The following NEBL variants were observed in gnomAD, a reference collection of about 807,000 sequenced individuals.
The protein encoded by NEBL is nebulette.
Under a neutral mutation model 140.2 loss-of-function variants are expected in NEBL, and 122 were observed. The ratio of observed to expected loss-of-function variants is 0.87; its 90% CI spans 0.75 to 1.01. The LOEUF is 1.01. Among genes scored for constraint, NEBL ranks in the 50% least tolerant of loss-of-function variants. NEBL has a pLI of 0.00. For missense variants in NEBL, 1,365 were observed against 1,231.3 expected (o/e 1.11, Z -1.62); for synonymous variants, 436 against 398.9 (o/e 1.09, Z -1.11).
chr10:20,916,034 G>A (rs531404752), intron 4 of NEBL, among the ~76,000 whole-genome samples: 76 of 152,292 alleles, frequency 5.0e-4, no homozygotes, highest in African/African-American at 1.6e-3. Flanking sequence ...ACGATAAACC[G>A]TTATTAACTA....
chr10:20,786,044 C>G, intron 27 of NEBL, 121 bp from the exon 28 acceptor site: 1 of 927,986 alleles, frequency 1.1e-6, no homozygotes. Flanking sequence ...ACACATGTAT[C>G]TCTGGAAATC....
chr10:21,289,195 T>C (rs1843109070), intron 1 of NEBL, among the ~76,000 whole-genome samples: 1 of 151,868 alleles, frequency 6.6e-6, no homozygotes, highest in African/African-American at 2.4e-5. Flanking sequence ...AGCCCGGTTG[T>C]TCCCAAACTG....
intron 3 of NEBL, among the ~76,000 whole-genome samples, chr10:20,889,537 C>A (rs1846834957): frequency 6.6e-6 from 1 of 152,028 alleles, no homozygotes; most frequent in African/African-American, 2.4e-5. Flanking sequence ...CTAAAGTGAA[C>A]TATTGTGCCA....
At chr10:20,969,007 TGGTGCTAAGCA>T (rs375039212) in intron 3 of NEBL, among the ~76,000 whole-genome samples, 69 of 152,328 alleles carry the variant, frequency 4.5e-4, no homozygotes, top group African/African-American at 1.3e-3. Context: ...GCACTTTGTT[TGGTGCTAAGCA>T]GGTGCTAAGC....
At chr10:21,284,558 A>G (rs779851132) in intron 1 of NEBL, among the ~76,000 whole-genome samples, 2 of 152,176 alleles carry the variant, frequency 1.3e-5, no homozygotes, top group Admixed American at 6.5e-5. Context: ...TTGACCTGGT[A>G]TTTTAGAACT....
intron 3 of NEBL, among the ~76,000 whole-genome samples, chr10:20,980,035 A>C (rs1051897968): frequency 2.0e-5 from 3 of 149,206 alleles, no homozygotes; most frequent in African/African-American, 5.1e-5. Flanking sequence ...TATTCTTTTA[A>C]AGTGTCTCAT....
At chr10:20,883,304 T>A (rs1846190360) in intron 4 of NEBL, among the ~76,000 whole-genome samples, 2 of 152,210 alleles carry the variant, frequency 1.3e-5, no homozygotes, top group South Asian at 4.1e-4. Context: ...TCCTGTGGAT[T>A]TGGTTGGTTA....
chr10:21,090,251 G>C (rs1345138472), intron 2 of NEBL, among the ~76,000 whole-genome samples: 1 of 152,170 alleles, frequency 6.6e-6, no homozygotes, highest in Admixed American at 6.5e-5. Flanking sequence ...TATAAACAAA[G>C]ATACATGGAT....
intron 3 of NEBL, among the ~76,000 whole-genome samples, chr10:20,994,690 C>T (rs938553905): frequency 1.3e-5 from 2 of 152,018 alleles, no homozygotes; most frequent in African/African-American, 4.8e-5. Context: ...CATAAACAGT[C>T]GATTAACACA....
chr10:21,099,491 A>G (rs935623587), intron 2 of NEBL, among the ~76,000 whole-genome samples: 2 of 152,170 alleles, frequency 1.3e-5, no homozygotes, highest in Non-Finnish European at 2.9e-5. Context: ...ATCTGAAAAC[A>G]TATGTTCCCC....
intron 3 of NEBL, among the ~76,000 whole-genome samples, chr10:20,999,244 A>G (rs1837789791): frequency 6.6e-6 from 1 of 151,808 alleles, no homozygotes; most frequent in Admixed American, 6.6e-5. Context: ...TCATTTATTG[A>G]TTGCCCAATT....
At chr10:21,148,669 G>A (rs778994031) in intron 2 of NEBL, among the ~76,000 whole-genome samples, 11 of 152,036 alleles carry the variant, frequency 7.2e-5, no homozygotes, top group Non-Finnish European at 1.5e-4. Flanking sequence ...GAGACTGCAG[G>A]CACATACCAC....
intron 2 of NEBL, among the ~76,000 whole-genome samples, chr10:21,103,247 C>T (rs1321321887): frequency 5.4e-5 from 8 of 146,896 alleles, no homozygotes; most frequent in African/African-American, 1.8e-4. Flanking sequence ...GAGTCTCACT[C>T]TGTTGCCCAG....
chr10:21,258,067 G>A (rs1055861435), intron 1 of NEBL, among the ~76,000 whole-genome samples: 2 of 152,204 alleles, frequency 1.3e-5, no homozygotes, highest in Admixed American at 1.3e-4. Context: ...GGAAACAGGA[G>A]TGAGAAAGCA....
intron 2 of NEBL, among the ~76,000 whole-genome samples, chr10:21,089,045 G>A (rs1309125250): frequency 6.6e-6 from 1 of 152,208 alleles, no homozygotes; most frequent in Non-Finnish European, 1.5e-5. Flanking sequence ...ATGGTGCAGT[G>A]ACAGAGGAGA....
rs143772876 is a variant in NEBL, at chr10:21,149,510, C to G, written c.164+22873G>C. Among the ~76,000 whole-genome samples, 348 of 152,288 alleles carry G rather than the reference C, an allele frequency of 2.3e-3. 15 individuals are homozygous for G. In the East Asian group the frequency reaches 0.06, roughly 26 times the overall value. ...TTCACCATGTTGGCCAGGCTTGTCTCAAACTCCAGACCTCAAGTGATCCGC... is the reference window on the plus strand; with the variant it reads ...TTCACCATGTTGGCCAGGCTTGTCTGAAACTCCAGACCTCAAGTGATCCGC... On this transcript the variant is annotated intron_variant, in intron 2 of 6. Transcript: ENST00000417816.
intron 2 of NEBL, among the ~76,000 whole-genome samples, chr10:20,894,011 T>C (rs1252881594): frequency 6.6e-6 from 1 of 152,036 alleles, no homozygotes; most frequent in Non-Finnish European, 1.5e-5. Flanking sequence ...CAAAACATCA[T>C]CCTGCTCTAC....
At chr10:21,089,718 A>G (rs973691157) in intron 2 of NEBL, among the ~76,000 whole-genome samples, 1 of 152,136 alleles carries the variant, frequency 6.6e-6, no homozygotes, top group Admixed American at 6.5e-5. Context: ...TCACTCACCA[A>G]TGTGCTTCAA....
At chr10:20,920,279 T>G (rs1044866772) in intron 4 of NEBL, among the ~76,000 whole-genome samples, 4 of 152,144 alleles carry the variant, frequency 2.6e-5, no homozygotes, top group African/African-American at 9.7e-5. Flanking sequence ...TTTTAACCCA[T>G]CAGTCACTCT....
Sources: allele counts gnomAD v4.1 joint callset (sites outside exome capture counted in the v4.1 genomes callset), GRCh38; gene constraint gnomAD v4.1.1; transcripts MANE v1.5; gene names NCBI Gene and HGNC (gene_info 2026-07-23, HGNC 2026-07-21).